Variants in SLC4A4 observed in about 807,000 individuals in gnomAD.
The protein encoded by SLC4A4 is electrogenic sodium bicarbonate cotransporter 1.
In SLC4A4, 27 loss-of-function variants were observed where a neutral mutation model predicts 111.5. The observed-to-expected ratio is 0.24, with a 90% CI of 0.18 to 0.33. The LOEUF is 0.33. Among genes scored for constraint, SLC4A4 ranks in the 10% least tolerant of loss-of-function variants. The pLI is 1.00. For synonymous variants in SLC4A4, 443 were observed against 463.4 expected, an observed-to-expected ratio of 0.96 and a Z score of 0.57; for missense variants, 909 against 1,315.5, an observed-to-expected ratio of 0.69 and a Z score of 4.78.
Position 71,383,382 on chromosome 4 carries a change from G to T in SLC4A4, c.731-14195G>T, listed in dbSNP as rs569782306. Among the ~76,000 whole-genome samples the T allele has an allele frequency of 5.3e-5, 8 of 152,214 alleles. No individual in the cohort carries two copies. The South Asian group carries it at 1.7e-3, about 32-fold the overall frequency. On this transcript the variant is annotated intron_variant, in intron 6 of 25. Coordinates refer to ENST00000264485, the MANE Select transcript of SLC4A4 (RefSeq NM_001098484.3). ...TTCCTAGAAGCTCTTGTATTGGTTT[G>T]CCTAAAGTCATCACATACCCTCTGT... is the stretch of plus-strand genomic sequence containing the variant.
chr4:71,406,309 A>G (rs1389855173), intron 7 of SLC4A4, among the ~76,000 whole-genome samples: 1 of 107,780 alleles, frequency 9.3e-6, no homozygotes, highest in South Asian at 3.3e-4. Flanking sequence ...GCTAATAAAA[A>G]GATGAGCCAA....
At chr4:71,234,850 G>A (rs1304362710) in intron 1 of SLC4A4, among the ~76,000 whole-genome samples, 1 of 152,140 alleles carries the variant, frequency 6.6e-6, no homozygotes, top group Non-Finnish European at 1.5e-5. Context: ...ATGTATATCA[G>A]GATGGGCTAT....
intron 1 of SLC4A4, among the ~76,000 whole-genome samples, chr4:71,229,812 GTTTTTTTTTT>G (rs546659911): frequency 2.4e-5 from 3 of 124,354 alleles, no homozygotes; most frequent in Admixed American, 8.3e-5. Flanking sequence ...CCCCTGCGAA[GTTTTTTTTTT>G]TTTTTTTTTT....
chr4:71,072,441 C>A (rs1474423836), intron 1 of SLC4A4, among the ~76,000 whole-genome samples: 5 of 152,026 alleles, frequency 3.3e-5, no homozygotes, highest in African/African-American at 1.2e-4. Context: ...AATTTATCAC[C>A]CATTCAGTAG....
chr4:71,423,780 C>G (rs1353005058), intron 7 of SLC4A4, among the ~76,000 whole-genome samples: 1 of 152,196 alleles, frequency 6.6e-6, no homozygotes, highest in Non-Finnish European at 1.5e-5. Context: ...GGAAAACTGG[C>G]TAGCCATATG....
At chr4:71,116,666 G>A (rs999905367) in intron 2 of SLC4A4, among the ~76,000 whole-genome samples, 5 of 152,210 alleles carry the variant, frequency 3.3e-5, no homozygotes, top group Non-Finnish European at 7.3e-5. Context: ...CCTGTTGGCC[G>A]GACGTGGTGG....
At position 71,255,520 on chromosome 4, in the gene SLC4A4, C is replaced by T. The variant is rs976688307; in HGVS notation, c.253+121C>T. 9.6e-6 allele frequency: 10 copies of T among 1,043,422 alleles called. No homozygotes were observed. The African/African-American group carries it at 1.4e-4, about 15-fold the overall frequency. 64.6% of individuals were successfully genotyped at this position (1,043,422 alleles called of 1,614,324 possible). ...ACTGTAATACTGAGATGTTTAGAATCTGTTCTAAAGGATAATGTCTGTGGA... is the reference window on the plus strand; with the variant it reads ...ACTGTAATACTGAGATGTTTAGAATTTGTTCTAAAGGATAATGTCTGTGGA... On this transcript the variant is annotated intron_variant, in intron 3 of 25. Transcript: ENST00000264485.
intron 7 of SLC4A4, among the ~76,000 whole-genome samples, chr4:71,405,644 AAGATTATATG>A (rs1460174345): frequency 2.0e-5 from 3 of 152,126 alleles, no homozygotes; most frequent in Non-Finnish European, 4.4e-5. Flanking sequence ...ACCTTCCCAA[AAGATTATATG>A]AGTTATGTTC....
intron 16 of SLC4A4, among the ~76,000 whole-genome samples, chr4:71,498,006 T>G (rs1730569983): frequency 6.6e-6 from 1 of 152,148 alleles, no homozygotes; most frequent in African/African-American, 2.4e-5. Flanking sequence ...CCTTTTAAAT[T>G]CATTGTGTTT....
intron 2 of SLC4A4, among the ~76,000 whole-genome samples, chr4:71,152,226 C>T (rs144648023): frequency 6.6e-6 from 1 of 152,196 alleles, no homozygotes; most frequent in East Asian, 1.9e-4. Context: ...CAAGTGGTAA[C>T]CATTATTCTA....
chr4:71,428,973 T>C (rs575615618), intron 7 of SLC4A4, among the ~76,000 whole-genome samples: 73 of 152,240 alleles, frequency 4.8e-4, no homozygotes, highest in African/African-American at 1.7e-3. Flanking sequence ...GGACAAATTG[T>C]GAGTATTCCT....
chr4:71,546,993 G>A (rs1433233333), intron 19 of SLC4A4, among the ~76,000 whole-genome samples: 1 of 151,982 alleles, frequency 6.6e-6, no homozygotes, highest in Non-Finnish European at 1.5e-5. Flanking sequence ...AAGGGCAGGA[G>A]TAGAAGGTTT....
intron 4 of SLC4A4, among the ~76,000 whole-genome samples, chr4:71,340,117 A>G (rs1476385056): frequency 2.6e-5 from 4 of 151,930 alleles, no homozygotes; most frequent in Non-Finnish European, 5.9e-5. Context: ...CCAGCTACTC[A>G]GGAGGCTGAA....
At chr4:71,474,969 G>C (rs1728224685) in intron 14 of SLC4A4, among the ~76,000 whole-genome samples, 1 of 151,702 alleles carries the variant, frequency 6.6e-6, no homozygotes, top group Non-Finnish European at 1.5e-5. Context: ...AGGAAAGAAG[G>C]GGGATAAAAC....
intron 2 of SLC4A4, among the ~76,000 whole-genome samples, chr4:71,153,761 C>T (rs772518040): frequency 7.9e-5 from 12 of 152,098 alleles, no homozygotes; most frequent in Non-Finnish European, 1.3e-4. Context: ...TCTACTTCAC[C>T]GATTAGTAGC....
intron 12 of SLC4A4, among the ~76,000 whole-genome samples, chr4:71,463,281 C>T (rs138642900): frequency 6.6e-6 from 1 of 152,128 alleles, no homozygotes. Context: ...ATACACATAT[C>T]CACACATTGT....
intron 5 of SLC4A4, among the ~76,000 whole-genome samples, chr4:71,353,328 A>G (rs1211466484): frequency 6.6e-6 from 1 of 152,204 alleles, no homozygotes; most frequent in Non-Finnish European, 1.5e-5. Flanking sequence ...GCAGTCAGAG[A>G]GCCAGTGCTG....
intron 6 of SLC4A4, among the ~76,000 whole-genome samples, chr4:71,376,676 C>T: frequency 6.6e-6 from 1 of 151,536 alleles, no homozygotes; most frequent in Non-Finnish European, 1.5e-5. Flanking sequence ...CTTACTCTGT[C>T]ACCCAGGCTG....
At chr4:71,553,701 G>A (rs982370692) in intron 20 of SLC4A4, among the ~76,000 whole-genome samples, 1 of 151,468 alleles carries the variant, frequency 6.6e-6, no homozygotes, top group Non-Finnish European at 1.5e-5. Flanking sequence ...TTACTTTATG[G>A]TACATTTATA....
Sources: allele counts gnomAD v4.1 joint callset (sites outside exome capture counted in the v4.1 genomes callset), GRCh38; gene constraint gnomAD v4.1.1; transcripts MANE v1.5; gene names NCBI Gene and HGNC (gene_info 2026-07-23, HGNC 2026-07-21).